Variants in ENTPD1 observed in about 807,000 individuals in gnomAD.
ENTPD1 encodes ectonucleoside triphosphate diphosphohydrolase 1.
ENTPD1 carries 33 observed loss-of-function variants against 57.0 expected under a neutral mutation model. That is an observed-to-expected ratio of 0.58 (90% CI 0.44 to 0.77). The LOEUF is 0.77. Ranked by LOEUF, ENTPD1 falls within the 30% of genes least tolerant of loss-of-function variation. The pLI, the probability that ENTPD1 is intolerant of heterozygous loss-of-function variation, is 0.00. For synonymous variants in ENTPD1, 202 were observed against 218.8 expected, an observed-to-expected ratio of 0.92 and a Z score of 0.68; for missense variants, 501 against 603.4, an observed-to-expected ratio of 0.83 and a Z score of 1.78.
At chr10:95,800,120 G>T (rs1343715368) in intron 1 of ENTPD1, among the ~76,000 whole-genome samples, 1 of 152,026 alleles carries the variant, frequency 6.6e-6, no homozygotes, top group African/African-American at 2.4e-5. Context: ...GTGTATCGGG[G>T]GAACCAGCCC....
intron 1 of ENTPD1, among the ~76,000 whole-genome samples, chr10:95,806,679 G>C (rs190214864): frequency 6.6e-6 from 1 of 152,108 alleles, no homozygotes; most frequent in Non-Finnish European, 1.5e-5. Context: ...TCTGGTGTAG[G>C]TGTCCTTTTT....
intron 2 of ENTPD1, among the ~76,000 whole-genome samples, chr10:95,826,280 A>T (rs1014672736): frequency 6.6e-6 from 1 of 152,160 alleles, no homozygotes; most frequent in East Asian, 1.9e-4. Flanking sequence ...GGTAAAGGGT[A>T]GTCCAGGCAG....
Position 95,867,513 on chromosome 10 carries a change from G to A in ENTPD1, c.*1130G>A. 1.0e-6 allele frequency: 1 copy of A among 985,426 alleles called. No individual in the cohort carries two copies. The highest frequency in any genetic ancestry group is 1.2e-6 in the Non-Finnish European group (1 of 829,934). The allele number at this position is 985,426 out of a possible 1,614,324, so 61.0% of individuals were successfully genotyped here. On this transcript the variant is annotated 3_prime_UTR_variant, in exon 10 of 10. Transcript: ENST00000371205. ...TTTAGTGAGAGGGCAGCATTAGTGT[G>A]GAGTGGCATGCTTTTGCCCTATCGT... is the stretch of plus-strand genomic sequence containing the variant.
At chr10:95,805,859 C>T (rs572687481) in intron 1 of ENTPD1, among the ~76,000 whole-genome samples, 29 of 152,308 alleles carry the variant, frequency 1.9e-4, no homozygotes, top group South Asian at 8.3e-4. Context: ...CCCAGAGATC[C>T]GCTGTAAGAC....
chr10:95,769,175 T>C (rs2098104311), intron 1 of ENTPD1, among the ~76,000 whole-genome samples: 1 of 152,220 alleles, frequency 6.6e-6, no homozygotes, highest in Non-Finnish European at 1.5e-5. Context: ...CAGAGTTCTG[T>C]CAATATGGTT....
chr10:95,838,109 G>A (rs1386269391), intron 2 of ENTPD1, among the ~76,000 whole-genome samples: 1 of 151,988 alleles, frequency 6.6e-6, no homozygotes, highest in Non-Finnish European at 1.5e-5. Context: ...TCTTCCTTTC[G>A]CTTCCCCATT....
At chr10:95,711,467 G>A (rs1410242859), upstream of ENTPD1, among the ~76,000 whole-genome samples, 1 of 152,152 alleles carries the variant, frequency 6.6e-6, no homozygotes, top group East Asian at 1.9e-4. Context: ...AAGCATAAAA[G>A]TGGACAATTC....
intron 1 of ENTPD1, among the ~76,000 whole-genome samples, chr10:95,778,401 A>G (rs981418970): frequency 1.3e-5 from 2 of 152,238 alleles, no homozygotes; most frequent in Non-Finnish European, 2.9e-5. Flanking sequence ...GCTAAAAGAT[A>G]TGAGAAAATA....
intron 1 of ENTPD1, among the ~76,000 whole-genome samples, chr10:95,770,917 AT>A (rs1377333719): frequency 4.6e-5 from 7 of 152,346 alleles, no homozygotes; most frequent in African/African-American, 9.6e-5. Context: ...AATTACAAAA[AT>A]AATACAAGTT....
intron 1 of ENTPD1, among the ~76,000 whole-genome samples, chr10:95,814,285 G>A (rs2098322003): frequency 6.6e-6 from 1 of 152,198 alleles, no homozygotes; most frequent in East Asian, 1.9e-4. Context: ...GGCTAGAAGG[G>A]GTGGGGGCAA....
rs779431692 is a variant in ENTPD1 at position 95,866,335 on chromosome 10, C to CCA, written c.1485_1486insCA (p.Leu496HisfsTer21). On this transcript the variant is annotated frameshift_variant, in exon 10 of 10. Transcript: ENST00000371205. LOFTEE classifies it high-confidence loss of function. ...TCCTTTTCACAGTGGCCATCATAGG[C>CCA]TTGCTTATCTTTCACAAGCCTTCAT... 1 of 1,614,172 alleles carries CCA rather than the reference C, an allele frequency of 6.2e-7. No homozygotes were observed. Among genetic ancestry groups the CCA allele is most frequent in the Admixed American group, 1.7e-5 (1 of 60,014 alleles).
At chr10:95,788,851 A>G (rs944679628) in intron 1 of ENTPD1, among the ~76,000 whole-genome samples, 1 of 152,186 alleles carries the variant, frequency 6.6e-6, no homozygotes, top group Non-Finnish European at 1.5e-5. Context: ...CTTTTATAAA[A>G]TAAACAGTTT....
chr10:95,835,609 C>G (rs548211847), intron 2 of ENTPD1, among the ~76,000 whole-genome samples: 1 of 152,202 alleles, frequency 6.6e-6, no homozygotes, highest in Admixed American at 6.5e-5. Context: ...CTGTTATTTT[C>G]TGACTTCTTA....
At chr10:95,805,458 T>C (rs1332180440) in intron 1 of ENTPD1, among the ~76,000 whole-genome samples, 1 of 152,240 alleles carries the variant, frequency 6.6e-6, no homozygotes, top group Non-Finnish European at 1.5e-5. Flanking sequence ...TGCCAGTCTA[T>C]GTCTTTTAAT....
chr10:95,716,456 T>C (rs1327458626), intron 1 of ENTPD1, among the ~76,000 whole-genome samples: 2 of 152,040 alleles, frequency 1.3e-5, no homozygotes, highest in African/African-American at 4.8e-5. Flanking sequence ...GGTTGAGAGG[T>C]GGTAAGACTT....
intron 2 of ENTPD1, among the ~76,000 whole-genome samples, chr10:95,826,879 G>T (rs1329850726): frequency 3.9e-5 from 6 of 152,176 alleles, no homozygotes; most frequent in African/African-American, 1.4e-4. Flanking sequence ...AGAAAAATGT[G>T]GAAGGAGGGG....
Position 95,869,870 on chromosome 10 carries a change from A to G in ENTPD1, c.*3487A>G, listed in dbSNP as rs146636447. The G allele has an allele frequency of 1.3e-6, 1 of 791,682 alleles. No homozygotes were observed. The highest frequency in any genetic ancestry group is 1.9e-5 in the African/African-American group (1 of 53,448). The allele number at this position is 791,682 out of a possible 1,614,324, so 49.0% of individuals were successfully genotyped here. A position where few individuals can be genotyped will look rare whatever the true frequency, so the allele number is the denominator to read the frequency against. On this transcript the variant is annotated 3_prime_UTR_variant, in exon 10 of 10. Transcript: ENST00000371205. ...TAAATTTTCAAAATATTTTGTGTCT[A>G]TTACATTTACAGCACATCTTAATTA...
In ENTPD1 at chr10:95,769,971, C is replaced by T. The variant is rs192486077; in HGVS notation, c.16+13716C>T. ...CTCGGTTTTGGGTGTGTTAATGTTC[C>T]GATGCCTATTTGACATGGGTCTTTC... On this transcript the variant is annotated intron_variant, in intron 1 of 9. Transcript: ENST00000371205. Among the ~76,000 whole-genome samples the T allele has an allele frequency of 5.9e-5, 9 of 151,964 alleles. No homozygotes were observed. In the East Asian group the frequency reaches 1.4e-3, roughly 23 times the overall value.
intron 1 of ENTPD1, among the ~76,000 whole-genome samples, chr10:95,744,508 C>T (rs1474916633): frequency 6.6e-6 from 1 of 151,634 alleles, no homozygotes; most frequent in Non-Finnish European, 1.5e-5. Flanking sequence ...TGGTGGTGTG[C>T]TACTTGGGAG....
Sources: allele counts gnomAD v4.1 joint callset (sites outside exome capture counted in the v4.1 genomes callset), GRCh38; gene constraint gnomAD v4.1.1; transcripts MANE v1.5; gene names NCBI Gene and HGNC (gene_info 2026-07-23, HGNC 2026-07-21).